WDR25: variants seen among roughly 807,000 people sequenced by gnomAD.
The protein encoded by WDR25 is WD repeat domain 25, also known as WD repeat-containing protein 25.
A neutral mutation model predicts 47.7 loss-of-function variants in WDR25; 35 were observed. The ratio of observed to expected loss-of-function variants is 0.73; its 90% CI spans 0.56 to 0.97. WDR25 has a LOEUF of 0.97. Among genes scored for constraint, WDR25 ranks in the 50% least tolerant of loss-of-function variants. The probability of loss-of-function intolerance (pLI) is 0.00; values close to 1 mark genes in which losing one functional copy is unlikely to be tolerated. For synonymous variants in WDR25, 248 were observed against 278.9 expected (o/e 0.89, Z 1.10); for missense variants, 634 against 704.7 (o/e 0.90, Z 1.14).
At chr14:100,451,474 C>T (rs1899030431) in intron 2 of WDR25, among the ~76,000 whole-genome samples, 1 of 152,186 alleles carries the variant, frequency 6.6e-6, no homozygotes, top group Non-Finnish European at 1.5e-5. Context: ...CCCGCCTCAG[C>T]CACCCAAAGT....
chr14:100,398,656 TA>T (rs1281584503), intron 2 of WDR25, among the ~76,000 whole-genome samples: 3 of 150,546 alleles, frequency 2.0e-5, no homozygotes, highest in African/African-American at 7.4e-5. Flanking sequence ...CTATGGACTT[TA>T]TTTGCATTTC....
At chr14:100,435,457 T>A (rs560153193) in intron 2 of WDR25, among the ~76,000 whole-genome samples, 2 of 152,334 alleles carry the variant, frequency 1.3e-5, no homozygotes, top group South Asian at 4.1e-4. Flanking sequence ...ATAGGGTTTA[T>A]GTACTCAAAG....
intron 4 of WDR25, among the ~76,000 whole-genome samples, chr14:100,489,299 GCT>G (rs2140329116): frequency 6.6e-6 from 1 of 152,306 alleles, no homozygotes; most frequent in Non-Finnish European, 1.5e-5. Context: ...CGGTGCTGTG[GCT>G]CTGTGCCCAG....
chr14:100,491,057 C>T (rs115155128), intron 4 of WDR25, among the ~76,000 whole-genome samples: 211 of 152,334 alleles, frequency 1.4e-3, no homozygotes, highest in African/African-American at 4.8e-3. Flanking sequence ...CAACTGGGGA[C>T]GTGGTGGAGC....
intron 4 of WDR25, among the ~76,000 whole-genome samples, chr14:100,485,575 G>A (rs545993692): frequency 6.6e-6 from 1 of 152,352 alleles, no homozygotes; most frequent in South Asian, 2.1e-4. Flanking sequence ...AGGTGGCCTG[G>A]GCAGAGAGTC....
At chr14:100,422,212 C>T (rs1029298145) in intron 2 of WDR25, among the ~76,000 whole-genome samples, 4 of 152,208 alleles carry the variant, frequency 2.6e-5, no homozygotes, top group Non-Finnish European at 5.9e-5. Flanking sequence ...GTTCGCTCAG[C>T]ATCCGATGAG....
rs1048436704 is a variant in WDR25 at position 100,407,980 on chromosome 14, G to A, written c.822+26234G>A. Among the ~76,000 whole-genome samples the A allele has an allele frequency of 2.3e-4, 35 of 152,174 alleles. No homozygotes were observed. Among genetic ancestry groups the A allele is most frequent in the African/African-American group, 7.7e-4 (32 of 41,436 alleles). On this transcript the variant is annotated intron_variant, in intron 2 of 6. Transcript: ENST00000402312. The surrounding 1 kb of genome is among the most constrained non-coding windows in gnomAD (Gnocchi z 4.1). ...GAACTGGCCCTGGAGACAGGGGAGG[G>A]GTTGTGAGAGCCAGAGCACAGATGC...
chr14:100,520,097 A>G (rs78388581), intron 4 of WDR25, among the ~76,000 whole-genome samples: 112 of 35,804 alleles, frequency 3.1e-3, no homozygotes, highest in African/African-American at 0.012. Context: ...TATATAGTGT[A>G]TATATATATA....
Position 100,381,657 on chromosome 14 carries a change from C to T in WDR25, c.733C>T (p.His245Tyr). ...PRKVLFHLRG[H>Y]RGPVNTIQWC... Reference sequence around the variant, plus strand: ...GAAAGTGCTTTTCCACCTGAGAGGCCACAGGGGCCCTGTCAACACCATTCA... The same window carrying T: ...GAAAGTGCTTTTCCACCTGAGAGGCTACAGGGGCCCTGTCAACACCATTCA... The change falls in exon 2 of 7, where the codon CAC becomes TAC. Residue 245 changes from histidine to tyrosine, a missense_variant. Coordinates refer to ENST00000402312, the MANE Select transcript of WDR25 (RefSeq NM_001161476.3). 1 of 1,614,216 alleles carries T rather than the reference C, an allele frequency of 6.2e-7. No individual in the cohort carries two copies. Among genetic ancestry groups the T allele is most frequent in the Non-Finnish European group, 8.5e-7 (1 of 1,180,036 alleles).
At chr14:100,436,347 C>T (rs546109037) in intron 2 of WDR25, among the ~76,000 whole-genome samples, 1 of 152,298 alleles carries the variant, frequency 6.6e-6, no homozygotes, top group Admixed American at 6.5e-5. Context: ...CATACTTAGA[C>T]TTTGCTTGTA....
chr14:100,411,417 A>G (rs1897703736), intron 2 of WDR25, among the ~76,000 whole-genome samples: 1 of 152,248 alleles, frequency 6.6e-6, no homozygotes, highest in Non-Finnish European at 1.5e-5. Flanking sequence ...CTAAGGAGTG[A>G]GGACCAAACA....
intron 4 of WDR25, among the ~76,000 whole-genome samples, chr14:100,503,004 CATGT>C (rs1167077208): frequency 1.3e-5 from 2 of 151,120 alleles, no homozygotes; most frequent in Non-Finnish European, 3.0e-5. Context: ...TCCATCCATG[CATGT>C]GTGTGTCCAT....
rs773216459 is a variant in WDR25 at position 100,381,146 on chromosome 14, G to A, written c.222G>A (p.Gly74=). The A allele has an allele frequency of 1.7e-5, 28 of 1,614,092 alleles. No homozygotes were observed. The highest frequency in any genetic ancestry group is 1.2e-4 in the South Asian group (11 of 91,094). The change falls in exon 2 of 7, where the codon GGG becomes GGA. Residue 74 remains glycine (G), a synonymous_variant. Coordinates refer to ENST00000402312, the MANE Select transcript of WDR25 (RefSeq NM_001161476.3). ...AGCATGGCTCCTGTGAAGACCCAGG[G>A]GGCTATCGCCTTCCATTGGCTCAGC... ...PTKHGSCEDP[G]GYRLPLAQLG...
At chr14:100,419,704 T>C (rs1276958484) in intron 2 of WDR25, among the ~76,000 whole-genome samples, 2 of 152,230 alleles carry the variant, frequency 1.3e-5, no homozygotes, top group South Asian at 2.1e-4. Context: ...GAGTTGTTTT[T>C]ATAGCAGAGA....
At chr14:100,513,463 T>C (rs1210759690) in intron 4 of WDR25, among the ~76,000 whole-genome samples, 1 of 152,140 alleles carries the variant, frequency 6.6e-6, no homozygotes, top group Non-Finnish European at 1.5e-5. Flanking sequence ...GAGAAGTAAA[T>C]ATCTATTATT....
intron 4 of WDR25, among the ~76,000 whole-genome samples, chr14:100,507,731 A>G (rs1380759277): frequency 6.7e-6 from 1 of 149,410 alleles, no homozygotes; most frequent in African/African-American, 2.5e-5. Context: ...CTTGAATGTT[A>G]TTGGTGTATA....
chr14:100,406,118 C>T (rs1331813472), intron 2 of WDR25, among the ~76,000 whole-genome samples: 1 of 152,114 alleles, frequency 6.6e-6, no homozygotes, highest in African/African-American at 2.4e-5. Flanking sequence ...CCATGTCAGG[C>T]ACGTGGGGCC....
intron 2 of WDR25, among the ~76,000 whole-genome samples, chr14:100,385,120 CG>C (rs1242842568): frequency 2.0e-5 from 3 of 152,132 alleles, no homozygotes; most frequent in African/African-American, 7.2e-5. Flanking sequence ...TCTTATTTTA[CG>C]TAAGTAGCCA....
intron 2 of WDR25, among the ~76,000 whole-genome samples, chr14:100,432,802 G>A (rs1898377302): frequency 6.6e-6 from 1 of 152,218 alleles, no homozygotes; most frequent in Admixed American, 6.5e-5. Flanking sequence ...TCTGAGAAAT[G>A]CGTTGTTAGA....
Sources: allele counts gnomAD v4.1 joint callset (sites outside exome capture counted in the v4.1 genomes callset), GRCh38; gene constraint gnomAD v4.1.1; non-coding constraint Gnocchi (gnomAD v3.1); transcripts MANE v1.5; gene names NCBI Gene and HGNC (gene_info 2026-07-23, HGNC 2026-07-21).